The following ARFGEF2 variants were observed in gnomAD, a reference collection of about 807,000 sequenced individuals.
ARFGEF2 encodes the protein ARF guanine nucleotide exchange factor 2, also known as brefeldin A-inhibited guanine nucleotide-exchange protein 2.
In ARFGEF2, 74 loss-of-function variants were observed where a neutral mutation model predicts 219.9. The ratio of observed to expected loss-of-function variants is 0.34; its 90% confidence interval spans 0.28 to 0.41. The LOEUF is 0.41. ARFGEF2 is among the 10% of genes least tolerant of loss of function. The pLI, the probability that ARFGEF2 is intolerant of heterozygous loss-of-function variation, is 1.00. For missense variants in ARFGEF2, 1,743 were observed against 2,218.3 expected, an observed-to-expected ratio of 0.79 and a Z score of 4.30; for synonymous variants, 733 against 799.2, an observed-to-expected ratio of 0.92 and a Z score of 1.40.
intron 1 of ARFGEF2, among the ~76,000 whole-genome samples, chr20:48,938,987 T>G (rs1458626599): frequency 1.3e-5 from 2 of 150,712 alleles, no homozygotes; most frequent in Non-Finnish European, 3.0e-5. Flanking sequence ...TTTGTTTTTT[T>G]TTTTTTTGAG....
chr20:49,013,419 G>A, intron 28 of ARFGEF2, 145 bp from the exon 29 acceptor site: 4 of 991,458 alleles, frequency 4.0e-6, no homozygotes, highest in Non-Finnish European at 6.3e-6. Context: ...TAATGTCTTT[G>A]TGTAGTCTGT....
rs537622617 is a variant in ARFGEF2, at chr20:48,966,775, T to A, written c.1059+752T>A. On this transcript the variant is annotated intron_variant, in intron 8 of 38. Transcript: ENST00000371917. ...ATCATCATTCCCCATTAAGTTGTAA[T>A]GCCAGCAATAAACTGGATATCCATA... Among the ~76,000 whole-genome samples, 121 of 152,310 alleles carry A rather than the reference T, an allele frequency of 7.9e-4. No individual in the cohort carries two copies. In the South Asian group the frequency reaches 9.7e-3, roughly 12 times the overall value.
chr20:48,935,120 A>G (rs1373238537), intron 1 of ARFGEF2, among the ~76,000 whole-genome samples: 2 of 79,248 alleles, frequency 2.5e-5, no homozygotes, highest in Non-Finnish European at 4.9e-5. Flanking sequence ...TTTATTGATC[A>G]TTCTTGGGTG....
At chr20:48,924,344 C>T (rs1166372693) in intron 1 of ARFGEF2, among the ~76,000 whole-genome samples, 1 of 151,984 alleles carries the variant, frequency 6.6e-6, no homozygotes, top group Non-Finnish European at 1.5e-5. Context: ...CCCGCCTCTA[C>T]TAAAAATAAC....
rs368437314 is a variant in ARFGEF2, at chr20:48,953,805, G to A, written c.838+15G>A. The A allele has an allele frequency of 5.0e-5, 81 of 1,609,812 alleles. No individual in the cohort carries two copies. In the Middle Eastern group the frequency reaches 6.6e-4, roughly 13 times the overall value. ...ATCACTGTCAGGTACGGGCTGATAC[G>A]GTATGGCTCTTTTTCCAAGTGTGAG... On this transcript the variant is annotated intron_variant, in intron 6 of 38. Coordinates refer to ENST00000371917, the MANE Select transcript of ARFGEF2 (RefSeq NM_006420.3).
chr20:49,002,044 G>A (rs1333871338), intron 25 of ARFGEF2, among the ~76,000 whole-genome samples: 2 of 152,094 alleles, frequency 1.3e-5, no homozygotes, highest in East Asian at 1.9e-4. Context: ...TCAGGAGTTC[G>A]AGACTAACCT....
intron 1 of ARFGEF2, 131 bp downstream of exon 1, chr20:48,922,141 C>A (rs2090846170): frequency 7.2e-7 from 1 of 1,394,138 alleles, no homozygotes; most frequent in Non-Finnish European, 9.5e-7. Context: ...TTCCGGCCTC[C>A]TCCTCATTAT....
intron 6 of ARFGEF2, among the ~76,000 whole-genome samples, chr20:48,959,245 T>C (rs2091123575): frequency 6.6e-6 from 1 of 152,072 alleles, no homozygotes; most frequent in South Asian, 2.1e-4. Context: ...CTGTGTACTT[T>C]GGAATGTATG....
intron 8 of ARFGEF2, among the ~76,000 whole-genome samples, chr20:48,968,429 T>G (rs1438992787): frequency 6.6e-6 from 1 of 150,942 alleles, no homozygotes; most frequent in African/African-American, 2.4e-5. Flanking sequence ...TTTTTTACTT[T>G]TTTTTTTTGG....
At position 48,969,172 on chromosome 20, in the gene ARFGEF2, T is replaced by C; in HGVS notation, c.1085T>C (p.Val362Ala). 6.2e-7 allele frequency: 1 copy of C among 1,614,162 alleles called. No individual in the cohort carries two copies. The highest frequency in any genetic ancestry group is 8.5e-7 in the Non-Finnish European group (1 of 1,180,018). The change falls in exon 9 of 39, where the codon GTG (valine) becomes GCG (alanine). Residue 362 changes from valine (V) to alanine (A), a missense_variant. By Grantham distance (64) the Val-to-Ala change is moderately conservative. This residue lies in a region of ARFGEF2 where 666 missense variants were observed against 955.4 expected (regional missense o/e 0.70). Transcript: ENST00000371917. ...GAATCGGATGCACAAGGACATCAAG[T>C]GGCTGCCAGGTTCTCCCACGTTCTG... Reference protein sequence around the residue: ...NLESDAQGHQVAARFSHVLQK... With the variant: ...NLESDAQGHQAAARFSHVLQK...
intron 10 of ARFGEF2, 72 bp from the exon 11 acceptor site, chr20:48,972,254 G>T: frequency 9.0e-7 from 1 of 1,107,888 alleles, no homozygotes; most frequent in East Asian, 2.4e-5. Flanking sequence ...GTTGGCTGCT[G>T]AAGACTTTGG....
intron 3 of ARFGEF2, among the ~76,000 whole-genome samples, chr20:48,947,923 C>T (rs2091038390): frequency 6.6e-6 from 1 of 152,074 alleles, no homozygotes; most frequent in Non-Finnish European, 1.5e-5. Context: ...TTTGACAGGA[C>T]AATTGGAAAA....
chr20:49,030,884 C>T (rs1228270539), intron 37 of ARFGEF2, among the ~76,000 whole-genome samples: 1 of 152,010 alleles, frequency 6.6e-6, no homozygotes, highest in South Asian at 2.1e-4. Flanking sequence ...CCCAGCTACT[C>T]GGGAGGCTGA....
chr20:48,988,282 T>C, intron 16 of ARFGEF2, 22 bp from the exon 17 acceptor site: 1 of 1,580,730 alleles, frequency 6.3e-7, no homozygotes, highest in South Asian at 1.1e-5. Context: ...TGAATATTGA[T>C]GTCTCGAATT....
At chr20:48,966,448 C>T (rs927222799) in intron 8 of ARFGEF2, among the ~76,000 whole-genome samples, 5 of 152,200 alleles carry the variant, frequency 3.3e-5, no homozygotes, top group African/African-American at 1.2e-4. Context: ...CTCCATCTCA[C>T]GTATTTTTCC....
In ARFGEF2 at chr20:48,971,372, TTTTCA is replaced by T. The variant is rs2091226782; in HGVS notation, c.1425+26_1425+30del. ...AGATAGAGGTACGGATTCCAAAGTT[TTTTCA>T]TTTCATTATTTACTATTATTATTAG... On this transcript the variant is annotated intron_variant, in intron 10 of 38. Transcript: ENST00000371917. The T allele has an allele frequency of 1.3e-6, 2 of 1,570,756 alleles. No individual in the cohort carries two copies. Among genetic ancestry groups the T allele is most frequent in the African/African-American group, 2.7e-5 (2 of 73,902 alleles).
chr20:48,972,257 G>T, intron 10 of ARFGEF2, 69 bp from the exon 11 acceptor site: 1 of 1,138,362 alleles, frequency 8.8e-7, no homozygotes, highest in East Asian at 2.4e-5. Flanking sequence ...GGCTGCTGAA[G>T]ACTTTGGAGG....
intron 10 of ARFGEF2, among the ~76,000 whole-genome samples, chr20:48,971,950 C>G (rs1364131714): frequency 6.6e-6 from 1 of 152,138 alleles, no homozygotes; most frequent in Non-Finnish European, 1.5e-5. Flanking sequence ...TCATTTTAAC[C>G]AATATGGTCT....
intron 29 of ARFGEF2, 43 bp from the exon 30 acceptor site, chr20:49,013,788 T>G (rs1285330081): frequency 6.2e-7 from 1 of 1,613,928 alleles, no homozygotes; most frequent in African/African-American, 1.3e-5. Flanking sequence ...GTTGTTCTCT[T>G]CTCCACCATT....
Sources: gnomAD v4.1 joint callset for allele counts (sites outside exome capture counted in the v4.1 genomes callset) on GRCh38, gnomAD v4.1.1 for gene constraint, gnomAD v4.1.1 regional missense constraint, MANE v1.5 for transcripts, NCBI Gene and HGNC (gene_info 2026-07-23, HGNC 2026-07-21) for gene names.